The following CEMIP variants were observed in gnomAD, a reference collection of about 807,000 sequenced individuals.
The protein encoded by CEMIP is cell migration-inducing and hyaluronan-binding protein.
In CEMIP, 105 loss-of-function variants were observed where a neutral mutation model predicts 156.9. The ratio of observed to expected loss-of-function variants is 0.67; its 90% CI spans 0.57 to 0.79. The LOEUF is 0.79. Ranked by LOEUF, CEMIP falls within the 30% of genes least tolerant of loss-of-function variation. The probability of loss-of-function intolerance (pLI) is 0.00; values close to 1 mark genes in which losing one functional copy is unlikely to be tolerated. For synonymous variants in CEMIP, 676 were observed against 668.4 expected, an observed-to-expected ratio of 1.01 and a Z score of -0.17; for missense variants, 1,457 against 1,769.4, an observed-to-expected ratio of 0.82 and a Z score of 3.17.
chr15:80,876,111 T>C (rs1420856826), intron 3 of CEMIP, among the ~76,000 whole-genome samples: 2 of 152,256 alleles, frequency 1.3e-5, no homozygotes, highest in African/African-American at 4.8e-5. Flanking sequence ...AGCATATTCA[T>C]GGCTCCTTGC....
At chr15:80,854,114 C>T (rs1288139131) in intron 1 of CEMIP, among the ~76,000 whole-genome samples, 1 of 152,258 alleles carries the variant, frequency 6.6e-6, no homozygotes, top group Non-Finnish European at 1.5e-5. Flanking sequence ...GCGAGGCCTG[C>T]CCTGAGATGA....
chr15:80,897,394 A>T (rs1278630262), intron 12 of CEMIP: 1 of 454,756 alleles, frequency 2.2e-6, no homozygotes, highest in Non-Finnish European at 4.4e-6. Flanking sequence ...CAGTCCCCTT[A>T]TCTTAACACT....
chr15:80,818,504 T>C (rs1317347720), intron 1 of CEMIP, among the ~76,000 whole-genome samples: 1 of 152,230 alleles, frequency 6.6e-6, no homozygotes, highest in Admixed American at 6.5e-5. Flanking sequence ...GCTCCAAAAA[T>C]ATATGAATAT....
Position 80,942,394 on chromosome 15 carries a change from G to A in CEMIP, c.3699+57G>A, listed in dbSNP as rs1901377064. On this transcript the variant is annotated intron_variant, in intron 27 of 29. Coordinates refer to ENST00000394685, the MANE Select transcript of CEMIP (RefSeq NM_001293298.2). ...TTTGCTCATTGAGAGGTGATACTGTGTCCTGCGGCTGCTGGCACAAATTAC... is the reference window on the plus strand; with the variant it reads ...TTTGCTCATTGAGAGGTGATACTGTATCCTGCGGCTGCTGGCACAAATTAC... 7 of 1,438,872 alleles carry A rather than the reference G, an allele frequency of 4.9e-6. 1 individual carries two copies. Among genetic ancestry groups the A allele is most frequent in the Non-Finnish European group, 6.9e-6 (7 of 1,021,026 alleles). 89.1% of individuals were successfully genotyped at this position (1,438,872 alleles called of 1,614,324 possible). A position where few individuals can be genotyped will look rare whatever the true frequency, so the allele number is the denominator to read the frequency against.
intron 1 of CEMIP, among the ~76,000 whole-genome samples, chr15:80,835,410 G>A (rs893033609): frequency 1.3e-5 from 2 of 152,240 alleles, no homozygotes; most frequent in Non-Finnish European, 1.5e-5. Flanking sequence ...CCAGGCCCAA[G>A]ACAGGGTAGG....
At position 80,936,855 on chromosome 15, in the gene CEMIP, A is replaced by T. The variant is rs201540109; in HGVS notation, c.3191A>T (p.Glu1064Val). Reference protein sequence around the residue: ...TIHWDQTAPAELAIWLINFNK... With the variant: ...TIHWDQTAPAVLAIWLINFNK... ...CACTGGGACCAGACGGCCCCCGCCG[A>T]ACTCGCCATCTGGCTCATCAACTTC... is the stretch of plus-strand genomic sequence containing the variant. Residue 1064 changes from glutamate to valine, a missense_variant, in exon 24 of 30, where the codon GAA becomes GTA. Physicochemically the swap from Glu to Val is moderately radical, Grantham distance 121 (BLOSUM62 -2). Transcript: ENST00000394685. The T allele has an allele frequency of 1.5e-5, 24 of 1,614,206 alleles. No individual in the cohort carries two copies. Among genetic ancestry groups the T allele is most frequent in the Non-Finnish European group, 2.0e-5 (24 of 1,180,042 alleles).
At chr15:80,830,558 G>C (rs1289383656) in intron 1 of CEMIP, among the ~76,000 whole-genome samples, 1 of 152,192 alleles carries the variant, frequency 6.6e-6, no homozygotes, top group Non-Finnish European at 1.5e-5. Context: ...CCTGCCTCGA[G>C]GGTACTTTGA....
At chr15:80,791,299 G>A (rs1331952034) in intron 1 of CEMIP, among the ~76,000 whole-genome samples, 6 of 152,100 alleles carry the variant, frequency 3.9e-5, no homozygotes, top group Non-Finnish European at 8.8e-5. Context: ...CTAAGGTTGG[G>A]CTTGTCTTCC....
At chr15:80,785,449 G>A (rs888970571) in intron 1 of CEMIP, among the ~76,000 whole-genome samples, 7 of 152,144 alleles carry the variant, frequency 4.6e-5, no homozygotes, top group Admixed American at 1.3e-4. Context: ...CGCCACAATC[G>A]GAAGCAGAAA....
chr15:80,796,709 T>TCAA (rs1180026967), intron 1 of CEMIP, among the ~76,000 whole-genome samples: 4 of 151,750 alleles, frequency 2.6e-5, no homozygotes, highest in Non-Finnish European at 5.9e-5. Flanking sequence ...CGTTTATTAA[T>TCAA]CAACCACTCT....
At chr15:80,866,311 T>G (rs866339121) in intron 1 of CEMIP, among the ~76,000 whole-genome samples, 28 of 152,284 alleles carry the variant, frequency 1.8e-4, no homozygotes, top group Middle Eastern at 3.4e-3. Context: ...GACTCTTGGC[T>G]GGGCACGTTG....
chr15:80,887,576 G>T, intron 7 of CEMIP, 118 bp from the exon 8 acceptor site: 2 of 750,960 alleles, frequency 2.7e-6, no homozygotes, highest in Non-Finnish European at 4.7e-6. Flanking sequence ...CCCCCAAACA[G>T]CAGGGAGGGA....
At chr15:80,924,794 G>A (rs1404719687) in intron 18 of CEMIP, 88 bp downstream of exon 18, 9 of 1,160,158 alleles carry the variant, frequency 7.8e-6, no homozygotes, top group African/African-American at 3.0e-5. Context: ...TTCATTCCCT[G>A]AGCATCTGTT....
chr15:80,906,769 C>A lies in CEMIP; in HGVS notation c.1518C>A (p.Asp506Glu). Reference sequence around the variant, plus strand: ...TCATAGTGATGGGGGAGATGGAGGACAAATGCTACCCCTACAGAAACCACA... The same window carrying A: ...TCATAGTGATGGGGGAGATGGAGGAAAAATGCTACCCCTACAGAAACCACA... Reference protein sequence around the residue: ...RNIIVMGEMEDKCYPYRNHIC... With the variant: ...RNIIVMGEMEEKCYPYRNHIC... Residue 506 changes from aspartate to glutamate, a missense_variant, in exon 13 of 30, where the codon GAC (aspartate) becomes GAA (glutamate). Transcript: ENST00000394685. The surrounding 1 kb of genome is among the most constrained non-coding windows in gnomAD (Gnocchi z 4.3). The A allele has an allele frequency of 6.2e-7, 1 of 1,614,176 alleles. No homozygotes were observed. Among genetic ancestry groups the A allele is most frequent in the Non-Finnish European group, 8.5e-7 (1 of 1,180,024 alleles).
intron 1 of CEMIP, among the ~76,000 whole-genome samples, chr15:80,846,544 G>A (rs1406814777): frequency 6.6e-6 from 1 of 152,188 alleles, no homozygotes; most frequent in Non-Finnish European, 1.5e-5. Context: ...ATGTGTGCAA[G>A]CTCATCTTCT....
intron 1 of CEMIP, among the ~76,000 whole-genome samples, chr15:80,794,835 G>A (rs1040832993): frequency 2.0e-5 from 3 of 152,176 alleles, no homozygotes; most frequent in African/African-American, 7.2e-5. Flanking sequence ...TGTGGCCAGT[G>A]ATATGAAGAA....
intron 10 of CEMIP, among the ~76,000 whole-genome samples, chr15:80,890,139 C>G (rs1307899299): frequency 6.6e-6 from 1 of 152,146 alleles, no homozygotes; most frequent in African/African-American, 2.4e-5. Context: ...ATATACAGGC[C>G]TCACCAGCTG....
At position 80,922,061 on chromosome 15, in the gene CEMIP, G is replaced by C; in HGVS notation, c.2126G>C (p.Gly709Ala). Residue 709 changes from glycine (G) to alanine (A), a missense_variant, in exon 17 of 30, where the codon GGA (glycine) becomes GCA (alanine). Transcript: ENST00000394685. ...FHHVPTGPSV[G>A]MYSPGYSEHI... ...CACGTACCAACGGGCCCCTCCGTGG[G>C]AATGTACTCCCCAGGTTATTCAGAG... 1 of 1,614,262 alleles carries C rather than the reference G, an allele frequency of 6.2e-7. No homozygotes were observed. Among genetic ancestry groups the C allele is most frequent in the East Asian group, 2.2e-5 (1 of 44,888 alleles).
chr15:80,789,264 G>T (rs756967886), intron 1 of CEMIP, among the ~76,000 whole-genome samples: 6 of 152,196 alleles, frequency 3.9e-5, no homozygotes, highest in Non-Finnish European at 7.3e-5. Flanking sequence ...AATTTGGGGT[G>T]TGGGGCTTCC....
Sources: gnomAD v4.1 joint callset for allele counts (sites outside exome capture counted in the v4.1 genomes callset) on GRCh38, gnomAD v4.1.1 for gene constraint, Gnocchi (gnomAD v3.1) non-coding constraint, MANE v1.5 for transcripts, NCBI Gene and HGNC (gene_info 2026-07-23, HGNC 2026-07-21) for gene names.